Variants in DNAH6 observed in about 807,000 individuals in gnomAD.
The protein encoded by DNAH6 is axonemal beta dynein heavy chain 6.
Under a neutral mutation model 491.4 loss-of-function variants are expected in DNAH6, and 340 were observed. That is an observed-to-expected ratio of 0.69 (90% CI 0.63 to 0.76). The LOEUF (loss-of-function observed/expected upper bound fraction) is 0.76, where lower values mean the gene tolerates loss of function less well. Ranked by LOEUF, DNAH6 falls within the 30% of genes least tolerant of loss-of-function variation. The probability of loss-of-function intolerance (pLI) is 0.00; values close to 1 mark genes in which losing one functional copy is unlikely to be tolerated. For missense variants in DNAH6, 4,443 were observed against 4,972.2 expected, an observed-to-expected ratio of 0.89 and a Z score of 3.20; for synonymous variants, 1,603 against 1,686.1, an observed-to-expected ratio of 0.95 and a Z score of 1.21.
intron 63 of DNAH6, among the ~76,000 whole-genome samples, chr2:84,761,799 C>CAA: frequency 6.6e-6 from 1 of 151,646 alleles, no homozygotes; most frequent in Non-Finnish European, 1.5e-5. Context: ...TACACACACA[C>CAA]ACACACACAC....
At chr2:84,498,457 T>C in the DNAH6 span, among the ~76,000 whole-genome samples, 1 of 152,186 alleles carries the variant, frequency 6.6e-6, no homozygotes, top group South Asian at 2.1e-4. Flanking sequence ...CAAAAAATTC[T>C]AAATCTAAAG....
the DNAH6 span, among the ~76,000 whole-genome samples, chr2:84,461,232 T>C: frequency 3.9e-5 from 6 of 152,350 alleles, no homozygotes; most frequent in African/African-American, 1.2e-4. Flanking sequence ...AGTAAACATA[T>C]AGCTTAGAAG....
chr2:84,691,894 C>T (rs1192299), intron 45 of DNAH6, among the ~76,000 whole-genome samples: 20,555 of 152,184 alleles, frequency 0.14, 2,813 homozygotes, highest in African/African-American at 0.35. Flanking sequence ...TTGCTGACCC[C>T]GGTTTTAGAC....
Position 84,573,552 on chromosome 2 carries a change from G to T in DNAH6, c.1889G>T (p.Ser630Ile), listed in dbSNP as rs546406121. The change falls in exon 12 of 77, where the codon AGT becomes ATT. Residue 630 changes from serine to isoleucine, a missense_variant. By Grantham distance (142) the Ser-to-Ile change is moderately radical. Coordinates refer to ENST00000389394, the MANE Select transcript of DNAH6 (RefSeq NM_001370.2). ...KFQIFFKENE[S>I]LDLQALKLQE... ...CAGATATTCTTCAAGGAAAATGAAA[G>T]TCTTGATTTACAAGCTCTTAAACTT... 5.0e-6 allele frequency: 8 copies of T among 1,588,300 alleles called. No individual in the cohort carries two copies. The African/African-American group carries it at 8.2e-5, about 16-fold the overall frequency.
At chr2:84,738,269 T>A (rs1181483937) in intron 62 of DNAH6, among the ~76,000 whole-genome samples, 1 of 152,164 alleles carries the variant, frequency 6.6e-6, no homozygotes, top group African/African-American at 2.4e-5. Flanking sequence ...TGACCAAGCA[T>A]GTGGTCAATT....
At chr2:84,760,096 G>A (rs1282594893) in intron 63 of DNAH6, among the ~76,000 whole-genome samples, 1 of 152,150 alleles carries the variant, frequency 6.6e-6, no homozygotes, top group African/African-American at 2.4e-5. Flanking sequence ...ATGGTGGTGG[G>A]AAAATTGGAT....
intron 63 of DNAH6, among the ~76,000 whole-genome samples, chr2:84,747,071 T>A (rs1673038586): frequency 1.3e-5 from 2 of 152,182 alleles, no homozygotes; most frequent in Admixed American, 1.3e-4. Flanking sequence ...GGGGATCACA[T>A]TTCGACATGA....
chr2:84,609,606 A>G (rs371849843), intron 21 of DNAH6, among the ~76,000 whole-genome samples: 1 of 152,088 alleles, frequency 6.6e-6, no homozygotes, highest in East Asian at 1.9e-4. Context: ...AGCATGGTTC[A>G]TGGCACCCCA....
rs748819431 is a variant in DNAH6, at chr2:84,703,385, TGTC to T, written c.8062-9_8062-7del. 4.0e-6 allele frequency: 6 copies of T among 1,486,196 alleles called. No individual in the cohort carries two copies. The highest frequency in any genetic ancestry group is 5.4e-6 in the Non-Finnish European group (6 of 1,114,480). 92.1% of individuals were successfully genotyped at this position (1,486,196 alleles called of 1,614,324 possible). A position where few individuals can be genotyped will look rare whatever the true frequency, so the allele number is the denominator to read the frequency against. On this transcript the variant is annotated splice_polypyrimidine_tract_variant and splice_region_variant and intron_variant, in intron 49 of 76. Coordinates refer to ENST00000389394, the MANE Select transcript of DNAH6 (RefSeq NM_001370.2). ...TGCTCATTATAATATAAATTTTCAT[TGTC>T]ACTTAGGCACGAGATCGGGTGAAGA...
chr2:84,503,203 A>G, the DNAH6 span, among the ~76,000 whole-genome samples: 1 of 152,022 alleles, frequency 6.6e-6, no homozygotes, highest in East Asian at 1.9e-4. Flanking sequence ...ATACTGTTTT[A>G]TATGTTATGT....
the DNAH6 span, among the ~76,000 whole-genome samples, chr2:84,474,640 A>G: frequency 6.6e-6 from 1 of 152,210 alleles, no homozygotes; most frequent in Non-Finnish European, 1.5e-5. Context: ...TCTTTACCCC[A>G]TAAATTAACA....
At chr2:84,671,502 A>G (rs1045177213) in intron 39 of DNAH6, among the ~76,000 whole-genome samples, 1 of 152,102 alleles carries the variant, frequency 6.6e-6, no homozygotes, top group African/African-American at 2.4e-5. Context: ...ATGCCAAACA[A>G]TGGTGCTGCC....
intron 48 of DNAH6, 61 bp from the exon 49 acceptor site, chr2:84,701,036 A>G: frequency 1.3e-6 from 2 of 1,525,874 alleles, no homozygotes; most frequent in Non-Finnish European, 1.8e-6. Context: ...TTTTCTTGGT[A>G]TTAAACTGTA....
At chr2:84,793,481 A>G in intron 68 of DNAH6, among the ~76,000 whole-genome samples, 1 of 145,044 alleles carries the variant, frequency 6.9e-6, no homozygotes, top group South Asian at 2.1e-4. Context: ...AGAATAATGT[A>G]TGTTAGGACA....
intron 37 of DNAH6, among the ~76,000 whole-genome samples, chr2:84,664,379 G>T (rs536119881): frequency 1.3e-5 from 2 of 152,040 alleles, no homozygotes; most frequent in Admixed American, 6.5e-5. Context: ...ACACACATAG[G>T]CTCAAAATAA....
At chr2:84,532,742 A>G (rs1168970738) in intron 4 of DNAH6, among the ~76,000 whole-genome samples, 4 of 152,148 alleles carry the variant, frequency 2.6e-5, no homozygotes, top group Non-Finnish European at 4.4e-5. Flanking sequence ...TGAAATTGAG[A>G]TCTAAACTAT....
At chr2:84,733,313 A>G (rs1699266651) in intron 61 of DNAH6, 131 bp from the exon 62 acceptor site, 1 of 716,782 alleles carries the variant, frequency 1.4e-6, no homozygotes, top group Non-Finnish European at 2.3e-6. Flanking sequence ...ATTTCACCAT[A>G]TTGTACTACT....
At chr2:84,760,836 T>G (rs1674507475) in intron 63 of DNAH6, among the ~76,000 whole-genome samples, 1 of 152,126 alleles carries the variant, frequency 6.6e-6, no homozygotes, top group South Asian at 2.1e-4. Context: ...ATCGCAAATT[T>G]CTGGGCTCAA....
At chr2:84,665,958 A>T (rs1378998978) in intron 37 of DNAH6, among the ~76,000 whole-genome samples, 1 of 152,188 alleles carries the variant, frequency 6.6e-6, no homozygotes, top group Admixed American at 6.5e-5. Flanking sequence ...TACACAAATC[A>T]ATAAACGTAA....
Sources: allele counts gnomAD v4.1 joint callset (sites outside exome capture counted in the v4.1 genomes callset), GRCh38; gene constraint gnomAD v4.1.1; transcripts MANE v1.5; gene names NCBI Gene and HGNC (gene_info 2026-07-23, HGNC 2026-07-21).